Variants in ICA1 observed in about 807,000 individuals in gnomAD.
The protein encoded by ICA1 is 69 kDa islet cell autoantigen.
A neutral mutation model predicts 71.0 loss-of-function variants in ICA1; 40 were observed. That is an observed-to-expected ratio of 0.56 (90% CI 0.44 to 0.73). ICA1 has a LOEUF of 0.73. ICA1 is among the 30% of genes least tolerant of loss of function. ICA1 has a pLI of 0.00. For synonymous variants in ICA1, 207 were observed against 209.5 expected, an observed-to-expected ratio of 0.99 and a Z score of 0.10; for missense variants, 578 against 576.5, an observed-to-expected ratio of 1.00 and a Z score of -0.03.
In ICA1 at chr7:8,119,478, T is replaced by C. The variant is rs115918465; in HGVS notation, c.1331-5434A>G. 6.8e-3 allele frequency among the ~76,000 whole-genome samples: 1,030 copies of C among 152,358 alleles called. 10 individuals carry two copies. Among genetic ancestry groups the C allele is most frequent in the African/African-American group, 0.024 (988 of 41,572 alleles). On this transcript the variant is annotated intron_variant, in intron 13 of 13. Transcript: ENST00000402384. The stretch of plus-strand genomic sequence containing the variant: ...ATTTATATGTCAAAATGGAACTCAC[T>C]TCCCATCATGTAATGTGCGTGTTCT...
intron 6 of ICA1, among the ~76,000 whole-genome samples, chr7:8,195,351 G>A (rs1251830716): frequency 6.6e-6 from 1 of 152,100 alleles, no homozygotes; most frequent in Non-Finnish European, 1.5e-5. Context: ...GACCGGCCTG[G>A]CCATCATGGT....
intron 7 of ICA1, chr7:8,157,499 G>T: frequency 2.6e-6 from 1 of 383,242 alleles, no homozygotes; most frequent in East Asian, 4.4e-5. Flanking sequence ...CAAAACCCAG[G>T]GTAAATAATT....
intron 1 of ICA1, among the ~76,000 whole-genome samples, chr7:8,250,952 G>A (rs1375655975): frequency 7.2e-6 from 1 of 139,024 alleles, no homozygotes; most frequent in Non-Finnish European, 1.5e-5. Context: ...CCAGGCTGGA[G>A]TGCAATTGTG....
chr7:8,180,794 T>C (rs1310837047), intron 6 of ICA1, among the ~76,000 whole-genome samples: 4 of 151,986 alleles, frequency 2.6e-5, no homozygotes, highest in Non-Finnish European at 4.4e-5. Context: ...TCTGCTCAAA[T>C]GCTTTGTCCA....
At chr7:8,157,274 C>T in intron 7 of ICA1, 60 bp from the exon 8 acceptor site, 1 of 1,452,450 alleles carries the variant, frequency 6.9e-7, no homozygotes, top group Non-Finnish European at 9.3e-7. Flanking sequence ...GTCCTGGTCC[C>T]CAGGGAAGTA....
intron 3 of ICA1, among the ~76,000 whole-genome samples, chr7:8,229,239 T>A (rs1799524860): frequency 6.6e-6 from 1 of 152,212 alleles, no homozygotes; most frequent in Admixed American, 6.5e-5. Context: ...GCAGTCCCCA[T>A]CACTCCTTAT....
At chr7:8,117,386 A>G (rs111355335) in intron 13 of ICA1, among the ~76,000 whole-genome samples, 60 of 152,316 alleles carry the variant, frequency 3.9e-4, no homozygotes, top group Middle Eastern at 3.4e-3. Context: ...TGTTTTAGGG[A>G]CAGCAAACCT....
chr7:8,183,488 T>C (rs995917762), intron 6 of ICA1, among the ~76,000 whole-genome samples: 4 of 152,218 alleles, frequency 2.6e-5, no homozygotes, highest in Non-Finnish European at 5.9e-5. Flanking sequence ...GGGACAATTA[T>C]ATGCATTCAG....
At chr7:8,216,010 G>A (rs1247300632) in intron 6 of ICA1, among the ~76,000 whole-genome samples, 1 of 152,182 alleles carries the variant, frequency 6.6e-6, no homozygotes, top group South Asian at 2.1e-4. Flanking sequence ...CCAAGTGAAG[G>A]GAAAACTCCA....
rs185674490 is a variant in ICA1, at chr7:8,234,294, T to C, written c.18-1539A>G. On this transcript the variant is annotated intron_variant, in intron 2 of 13. Coordinates refer to ENST00000402384, the MANE Select transcript of ICA1 (RefSeq NM_001136020.3). The surrounding 1 kb of genome is among the most constrained non-coding windows in gnomAD (Gnocchi z 4.5). ...ATGAAATGGAATTGTGTAAAAGTGA[T>C]TGGAGTACCCCAAATATGGCTGGAA... Among the ~76,000 whole-genome samples, 566 of 152,316 alleles carry C rather than the reference T, an allele frequency of 3.7e-3. No individual in the cohort carries two copies. Among genetic ancestry groups the C allele is most frequent in the Non-Finnish European group, 6.6e-3 (448 of 68,030 alleles).
intron 3 of ICA1, among the ~76,000 whole-genome samples, chr7:8,231,110 C>A (rs1332378509): frequency 1.3e-5 from 2 of 152,062 alleles, no homozygotes; most frequent in African/African-American, 2.4e-5. Context: ...GGTGGACAGG[C>A]AGTGACTCGA....
At chr7:8,182,053 T>G (rs935286275) in intron 6 of ICA1, among the ~76,000 whole-genome samples, 1 of 152,180 alleles carries the variant, frequency 6.6e-6, no homozygotes, top group Non-Finnish European at 1.5e-5. Flanking sequence ...TTTCCTTGAC[T>G]ATGCCATTTC....
At chr7:8,196,231 T>A (rs1179004157) in intron 6 of ICA1, among the ~76,000 whole-genome samples, 1 of 152,208 alleles carries the variant, frequency 6.6e-6, no homozygotes, top group East Asian at 1.9e-4. Flanking sequence ...AAGTACATAT[T>A]ACTAAGTGAA....
chr7:8,133,507 C>G (rs1015171604), intron 12 of ICA1, among the ~76,000 whole-genome samples: 1 of 152,158 alleles, frequency 6.6e-6, no homozygotes, highest in Non-Finnish European at 1.5e-5. Flanking sequence ...CCTTGATCTC[C>G]CAAAGTGCTA....
intron 1 of ICA1, among the ~76,000 whole-genome samples, chr7:8,250,599 T>C (rs1263858973): frequency 6.6e-6 from 1 of 152,246 alleles, no homozygotes; most frequent in East Asian, 1.9e-4. Flanking sequence ...CAGTGAGCTC[T>C]GATCCCCTCA....
Position 8,218,345 on chromosome 7 carries a change from A to G in ICA1, c.539T>C (p.Leu180Pro). The G allele has an allele frequency of 6.2e-7, 1 of 1,614,102 alleles. No individual in the cohort carries two copies. Among genetic ancestry groups the G allele is most frequent in the Non-Finnish European group, 8.5e-7 (1 of 1,179,982 alleles). Residue 180 changes from leucine to proline, a missense_variant, in exon 6 of 14, where the codon CTT (leucine) becomes CCT (proline). Transcript: ENST00000402384. Reference protein sequence around the residue: ...LLWMKDVSQELDPDLYKQMEK... With the variant: ...LLWMKDVSQEPDPDLYKQMEK... ...CATTTGCTTGTAGAGGTCTGGATCA[A>G]GCTCCTGAGACACGTCCTTCATCCA...
intron 6 of ICA1, among the ~76,000 whole-genome samples, chr7:8,174,265 T>A (rs1319064633): frequency 6.6e-6 from 1 of 152,206 alleles, no homozygotes; most frequent in Non-Finnish European, 1.5e-5. Context: ...ATAGAGAACA[T>A]GATCTTTCCT....
chr7:8,236,607 A>G (rs920550896), intron 1 of ICA1, among the ~76,000 whole-genome samples: 5 of 152,254 alleles, frequency 3.3e-5, no homozygotes, highest in African/African-American at 1.2e-4. Flanking sequence ...ACCCCAAATA[A>G]AAACCAAAAA....
intron 6 of ICA1, among the ~76,000 whole-genome samples, chr7:8,202,655 T>C (rs914348012): frequency 7.2e-5 from 11 of 152,230 alleles, no homozygotes; most frequent in African/African-American, 2.7e-4. Flanking sequence ...ACTGTTTTTA[T>C]ATCACCCTTG....
Sources: gnomAD v4.1 joint callset for allele counts (sites outside exome capture counted in the v4.1 genomes callset) on GRCh38, gnomAD v4.1.1 for gene constraint, Gnocchi (gnomAD v3.1) non-coding constraint, MANE v1.5 for transcripts, NCBI Gene and HGNC (gene_info 2026-07-23, HGNC 2026-07-21) for gene names.